Variants in RASGRP3 observed in about 807,000 individuals in gnomAD.
The protein encoded by RASGRP3 is RAS guanyl releasing protein 3, also known as ras guanyl-releasing protein 3.
A neutral mutation model predicts 82.7 loss-of-function variants in RASGRP3; 54 were observed. That is an observed-to-expected ratio of 0.65 (90% CI 0.52 to 0.82). RASGRP3 has a LOEUF of 0.82. Ranked by LOEUF, RASGRP3 falls within the 40% of genes least tolerant of loss-of-function variation. The pLI, the probability that RASGRP3 is intolerant of heterozygous loss-of-function variation, is 0.00. For missense variants in RASGRP3, 861 were observed against 828.9 expected (o/e 1.04, Z -0.48); for synonymous variants, 309 against 300.5 (o/e 1.03, Z -0.29).
At chr2:33,523,138 T>A (rs1038106362) in intron 7 of RASGRP3, among the ~76,000 whole-genome samples, 1 of 152,176 alleles carries the variant, frequency 6.6e-6, no homozygotes, top group Non-Finnish European at 1.5e-5. Context: ...TACCGTTATA[T>A]CTTTAACTTG....
At chr2:33,494,461 A>C (rs2150965415) in intron 1 of RASGRP3, among the ~76,000 whole-genome samples, 1 of 152,348 alleles carries the variant, frequency 6.6e-6, no homozygotes, top group African/African-American at 2.4e-5. Context: ...AGGGCTAGAA[A>C]TTATCCTACA....
intron 12 of RASGRP3, among the ~76,000 whole-genome samples, chr2:33,542,794 G>A (rs918386899): frequency 8.4e-6 from 1 of 118,672 alleles, no homozygotes; most frequent in Admixed American, 9.2e-5. Flanking sequence ...AGCGATTCTC[G>A]TGCCTCAGCC....
chr2:33,542,575 C>G (rs1423895441), intron 12 of RASGRP3, among the ~76,000 whole-genome samples: 2 of 147,318 alleles, frequency 1.4e-5, no homozygotes, highest in African/African-American at 4.9e-5. Context: ...TGTAAATTCA[C>G]TAAGCCAATT....
intron 10 of RASGRP3, among the ~76,000 whole-genome samples, chr2:33,530,706 A>G (rs1673037177): frequency 1.3e-5 from 2 of 152,132 alleles, no homozygotes; most frequent in African/African-American, 4.8e-5. Context: ...ATGTGCAGTA[A>G]AGGAAGTAAT....
chr2:33,559,531 C>T, intron 17 of RASGRP3: 1 of 493,680 alleles, frequency 2.0e-6, no homozygotes, highest in Non-Finnish European at 4.0e-6. Context: ...TTGAGGATCT[C>T]TAAACCAGGC....
At chr2:33,465,284 G>C (rs982814695) in intron 2 of RASGRP3, among the ~76,000 whole-genome samples, 1 of 152,222 alleles carries the variant, frequency 6.6e-6, no homozygotes, top group Non-Finnish European at 1.5e-5. Context: ...CTAGAGCAAA[G>C]TCCTAATTCT....
rs17013208 is a variant in RASGRP3 at position 33,519,749 on chromosome 2, A to G, written c.174-203A>G. 0.042 allele frequency among the ~76,000 whole-genome samples: 6,348 copies of G among 152,296 alleles called. 486 individuals carry two copies. The highest frequency in any genetic ancestry group is 0.14 in the African/African-American group (6,004 of 41,524). On this transcript the variant is annotated intron_variant, in intron 4 of 17. Transcript: ENST00000403687. Reference sequence around the variant, plus strand: ...TGTAAGTGGCTTCTTCTTCAGACCAAAAAAATGCATTCCAGAGCTATAATA... The same window carrying G: ...TGTAAGTGGCTTCTTCTTCAGACCAGAAAAATGCATTCCAGAGCTATAATA...
At chr2:33,461,574 A>AAATGTGTTTAAATG (rs1666369494) in intron 2 of RASGRP3, among the ~76,000 whole-genome samples, 1 of 152,212 alleles carries the variant, frequency 6.6e-6, no homozygotes, top group African/African-American at 2.4e-5. Flanking sequence ...CAATGTGCCC[A>AAATGTGTTTAAATG]GCTCCTGCCA....
chr2:33,513,320 T>C (rs906272781), intron 2 of RASGRP3, among the ~76,000 whole-genome samples: 2 of 152,236 alleles, frequency 1.3e-5, no homozygotes, highest in Non-Finnish European at 2.9e-5. Flanking sequence ...GTCACTCCAG[T>C]GGTCTCACTG....
At chr2:33,552,378 C>A (rs1294094749) in intron 14 of RASGRP3, among the ~76,000 whole-genome samples, 2 of 152,220 alleles carry the variant, frequency 1.3e-5, no homozygotes, top group Non-Finnish European at 2.9e-5. Flanking sequence ...AGACACGTTG[C>A]ACGTCACATG....
chr2:33,488,521 A>G (rs565057367), intron 1 of RASGRP3, among the ~76,000 whole-genome samples: 1 of 152,334 alleles, frequency 6.6e-6, no homozygotes, highest in African/African-American at 2.4e-5. Context: ...TGCTCTCACA[A>G]AAAAAGAACT....
Position 33,524,509 on chromosome 2 carries a change from CAA to C in RASGRP3, c.770_771del (p.Lys257ArgfsTer16), listed in dbSNP as rs758901755. On this transcript the variant is annotated frameshift_variant, in exon 9 of 18. Coordinates refer to ENST00000403687, the MANE Select transcript of RASGRP3 (RefSeq NM_001139488.2). LOFTEE classifies it high-confidence loss of function. Reference sequence around the variant, plus strand: ...TCAGTCATAGTTCCATTTCACGCCTCAAAGAGACCCATTCTCATCTTTCTTCA... The same window carrying C: ...TCAGTCATAGTTCCATTTCACGCCTCAGAGACCCATTCTCATCTTTCTTCA... ...GLSHSSISRL[K>X]ETHSHLSSEV... 1 of 1,603,620 alleles carries C rather than the reference CAA, an allele frequency of 6.2e-7. No homozygotes were observed. Among genetic ancestry groups the C allele is most frequent in the East Asian group, 2.2e-5 (1 of 44,724 alleles).
At position 33,524,567 on chromosome 2, in the gene RASGRP3, T is replaced by C. The variant is rs369286765; in HGVS notation, c.807+19T>C. 2.0e-5 allele frequency: 30 copies of C among 1,501,282 alleles called. No individual in the cohort carries two copies. The African/African-American group carries it at 3.6e-4, about 18-fold the overall frequency. The allele number at this position is 1,501,282 out of a possible 1,614,324, so 93.0% of individuals were successfully genotyped here. On this transcript the variant is annotated intron_variant, in intron 9 of 17. Coordinates refer to ENST00000403687, the MANE Select transcript of RASGRP3 (RefSeq NM_001139488.2). ...TACAAAGGTATAGTAGACTTGATCC[T>C]AATCAAAAGTAAAAAAATGCATTTG...
intron 2 of RASGRP3, among the ~76,000 whole-genome samples, chr2:33,462,057 A>G (rs1666398785): frequency 6.6e-6 from 1 of 152,252 alleles, no homozygotes; most frequent in Non-Finnish European, 1.5e-5. Context: ...TGGAACATTG[A>G]CATTGTTTAG....
chr2:33,543,484 T>G, intron 12 of RASGRP3, 28 bp from the exon 13 acceptor site: 2 of 1,419,722 alleles, frequency 1.4e-6, no homozygotes, highest in South Asian at 1.2e-5. Flanking sequence ...TTATAGTCAT[T>G]CAATAAATAC....
intron 2 of RASGRP3, among the ~76,000 whole-genome samples, chr2:33,452,445 T>C (rs1665849969): frequency 6.6e-6 from 1 of 152,230 alleles, no homozygotes; most frequent in Admixed American, 6.5e-5. Context: ...TCCTGTATTC[T>C]CAGGCAAGTT....
intron 4 of RASGRP3, among the ~76,000 whole-genome samples, chr2:33,519,317 G>A (rs1049462718): frequency 3.9e-5 from 6 of 152,096 alleles, no homozygotes; most frequent in Non-Finnish European, 7.4e-5. Context: ...AATCTTTTTG[G>A]TTAAAATAGT....
chr2:33,450,145 T>G (rs1483188161), intron 2 of RASGRP3, among the ~76,000 whole-genome samples: 3 of 152,242 alleles, frequency 2.0e-5, no homozygotes, highest in Non-Finnish European at 4.4e-5. Context: ...ATATTTATGA[T>G]GTAAAACATG....
At chr2:33,528,341 C>T (rs1672779977) in intron 10 of RASGRP3, among the ~76,000 whole-genome samples, 1 of 152,192 alleles carries the variant, frequency 6.6e-6, no homozygotes, top group African/African-American at 2.4e-5. Context: ...AGTTTTTTGG[C>T]ATTTGTGGCA....
Sources: allele counts gnomAD v4.1 joint callset (sites outside exome capture counted in the v4.1 genomes callset), GRCh38; gene constraint gnomAD v4.1.1; transcripts MANE v1.5; gene names NCBI Gene and HGNC (gene_info 2026-07-23, HGNC 2026-07-21).